GULP1: variants seen among roughly 807,000 people sequenced by gnomAD.
GULP1 encodes the protein GULP PTB domain containing engulfment adaptor 1, also known as PTB domain-containing engulfment adapter protein 1.
GULP1 carries 19 observed loss-of-function variants against 40.9 expected under a neutral mutation model. That is an observed-to-expected ratio of 0.46 (90% confidence interval 0.32 to 0.68). The LOEUF (loss-of-function observed/expected upper bound fraction) is 0.68. GULP1 is among the 30% of genes least tolerant of loss of function. The pLI, the probability that GULP1 is intolerant of heterozygous loss-of-function variation, is 0.03. For synonymous variants in GULP1, 119 were observed against 117.6 expected (o/e 1.01, Z -0.08); for missense variants, 312 against 362.2 (o/e 0.86, Z 1.12).
chr2:188,321,769 C>T (rs1227394036), intron 1 of GULP1, among the ~76,000 whole-genome samples: 2 of 151,970 alleles, frequency 1.3e-5, no homozygotes, highest in South Asian at 4.1e-4. Context: ...GTAATCCCAG[C>T]ACTTTGGGAG....
chr2:188,429,750 C>G lies in GULP1; in HGVS notation c.-45+45861C>G, dbSNP rs376073781. Among the ~76,000 whole-genome samples the G allele has an allele frequency of 3.9e-5, 6 of 151,944 alleles. No homozygotes were observed. In the South Asian group the frequency reaches 8.3e-4, roughly 21 times the overall value. ...AAGAGACGGAGTCTCGCTCTGTTGC[C>G]CAGGCTGGAGTGCAGTGGCGCGATC... is the stretch of plus-strand genomic sequence containing the variant. On this transcript the variant is annotated intron_variant, in intron 2 of 11. Coordinates refer to ENST00000409830, the MANE Select transcript of GULP1 (RefSeq NM_016315.4).
chr2:188,517,197 A>G (rs924168036), intron 4 of GULP1, among the ~76,000 whole-genome samples: 7 of 152,150 alleles, frequency 4.6e-5, no homozygotes, highest in African/African-American at 1.7e-4. Flanking sequence ...GGAATGGTTA[A>G]ATCTAGCTAA....
At chr2:188,502,979 G>A (rs2063570590) in intron 4 of GULP1, among the ~76,000 whole-genome samples, 1 of 139,648 alleles carries the variant, frequency 7.2e-6, no homozygotes, top group East Asian at 2.0e-4. Flanking sequence ...AGGACAGATG[G>A]GCAATAAAAG....
chr2:188,564,370 C>CACT (rs1274091797), intron 7 of GULP1, among the ~76,000 whole-genome samples: 46 of 151,848 alleles, frequency 3.0e-4, no homozygotes, highest in African/African-American at 1.1e-3. Context: ...GATCTACAAC[C>CACT]ACTAGATTTA....
At chr2:188,380,719 A>C (rs965286686) in intron 1 of GULP1, among the ~76,000 whole-genome samples, 1 of 152,186 alleles carries the variant, frequency 6.6e-6, no homozygotes, top group African/African-American at 2.4e-5. Context: ...GAGAATAATG[A>C]TTTTGAAAAT....
At chr2:188,399,572 G>T (rs1179892899) in intron 2 of GULP1, among the ~76,000 whole-genome samples, 1 of 151,448 alleles carries the variant, frequency 6.6e-6, no homozygotes, top group Non-Finnish European at 1.5e-5. Flanking sequence ...CCATCAAACT[G>T]TCCAGGTGCA....
intron 1 of GULP1, among the ~76,000 whole-genome samples, chr2:188,334,022 G>C (rs751934595): frequency 9.2e-5 from 14 of 152,060 alleles, no homozygotes; most frequent in Non-Finnish European, 1.9e-4. Flanking sequence ...AAAGACTAGG[G>C]AATTTCTGTA....
intron 1 of GULP1, among the ~76,000 whole-genome samples, chr2:188,330,872 A>G (rs1176956464): frequency 1.3e-5 from 2 of 152,174 alleles, no homozygotes; most frequent in African/African-American, 4.8e-5. Context: ...TATGCCAAAG[A>G]TGCCTGGGTC....
intron 2 of GULP1, among the ~76,000 whole-genome samples, chr2:188,459,171 G>A (rs949207955): frequency 1.3e-5 from 2 of 152,092 alleles, no homozygotes; most frequent in South Asian, 2.1e-4. Context: ...TGCAGTTATC[G>A]CTTTGACATA....
At chr2:188,296,439 A>C (rs963062852) in intron 1 of GULP1, among the ~76,000 whole-genome samples, 11 of 152,084 alleles carry the variant, frequency 7.2e-5, no homozygotes, top group African/African-American at 2.7e-4. Context: ...GATGCTTACC[A>C]TGCATGATTG....
chr2:188,529,171 A>C lies in GULP1; in HGVS notation c.237A>C (p.Val79=), dbSNP rs762222718. The change falls in exon 6 of 12, where the codon GTA becomes GTC. Residue 79 remains valine, a synonymous_variant. Transcript: ENST00000409830. ...KVELQISIYG[V]KILEPKTKEV... is the part of the protein sequence containing the mutation. ...AGTTGCAAATATCAATTTATGGAGT[A>C]AAAATTCTAGAACCCAAAACAAAGG... The C allele has an allele frequency of 6.4e-7, 1 of 1,571,100 alleles. No individual in the cohort carries two copies. Among genetic ancestry groups the C allele is most frequent in the Non-Finnish European group, 8.7e-7 (1 of 1,147,520 alleles).
chr2:188,408,450 C>T (rs1391944550), intron 2 of GULP1, among the ~76,000 whole-genome samples: 2 of 151,898 alleles, frequency 1.3e-5, no homozygotes, highest in Non-Finnish European at 1.5e-5. Context: ...ACAAAGGGAC[C>T]AATTCATCAA....
intron 1 of GULP1, among the ~76,000 whole-genome samples, chr2:188,293,453 G>A (rs2034233774): frequency 6.6e-6 from 1 of 152,208 alleles, no homozygotes; most frequent in Admixed American, 6.5e-5. Flanking sequence ...CAATACTGAT[G>A]ATTTTGTGTC....
chr2:188,319,647 G>A (rs1225040362), intron 1 of GULP1, among the ~76,000 whole-genome samples: 1 of 152,110 alleles, frequency 6.6e-6, no homozygotes, highest in Non-Finnish European at 1.5e-5. Context: ...CAGAAATGTA[G>A]CTTAAATAGC....
chr2:188,358,920 C>T (rs1221302243), intron 1 of GULP1, among the ~76,000 whole-genome samples: 1 of 152,004 alleles, frequency 6.6e-6, no homozygotes, highest in East Asian at 1.9e-4. Flanking sequence ...ATCAGTCTAG[C>T]ATCTTAAATA....
In GULP1 at chr2:188,325,078, G is replaced by T. The variant is rs2040558938; in HGVS notation, c.-172+32912G>T. 3.3e-5 allele frequency among the ~76,000 whole-genome samples: 5 copies of T among 151,912 alleles called. No individual in the cohort carries two copies. The South Asian group carries it at 1.0e-3, about 31-fold the overall frequency. The stretch of plus-strand genomic sequence containing the variant: ...AGTGTAGGCTTATTTCTAATTTACT[G>T]AAGTCAATCACAAGTGTATTGGTGC... On this transcript the variant is annotated intron_variant, in intron 1 of 11. Transcript: ENST00000409830.
intron 2 of GULP1, among the ~76,000 whole-genome samples, chr2:188,422,364 T>G (rs765087482): frequency 9.2e-5 from 14 of 151,402 alleles, no homozygotes; most frequent in Non-Finnish European, 1.0e-4. Context: ...GCAATTGTAC[T>G]TGCACAGGTA....
intron 4 of GULP1, among the ~76,000 whole-genome samples, chr2:188,520,850 C>A (rs967644392): frequency 6.6e-6 from 1 of 152,116 alleles, no homozygotes; most frequent in African/African-American, 2.4e-5. Flanking sequence ...TACATTTTAA[C>A]CAACGCTCTA....
At chr2:188,562,440 T>G (rs1456437514) in intron 7 of GULP1, among the ~76,000 whole-genome samples, 1 of 152,212 alleles carries the variant, frequency 6.6e-6, no homozygotes, top group Non-Finnish European at 1.5e-5. Flanking sequence ...CTGTCACTTT[T>G]CTGTTGAATT....
Sources: gnomAD v4.1 joint callset for allele counts (sites outside exome capture counted in the v4.1 genomes callset) on GRCh38, gnomAD v4.1.1 for gene constraint, MANE v1.5 for transcripts, NCBI Gene and HGNC (gene_info 2026-07-23, HGNC 2026-07-21) for gene names.